SYCP2L: variants seen among roughly 807,000 people sequenced by gnomAD.
SYCP2L encodes the protein synaptonemal complex protein 2 like.
Under a neutral mutation model 125.8 loss-of-function variants are expected in SYCP2L, and 98 were observed. The ratio of observed to expected loss-of-function variants is 0.78; its 90% CI spans 0.66 to 0.92. The LOEUF is 0.92. Among genes scored for constraint, SYCP2L ranks in the 40% least tolerant of loss-of-function variants. The probability of loss-of-function intolerance (pLI) is 0.00; values close to 1 mark genes in which losing one functional copy is unlikely to be tolerated. For missense variants in SYCP2L, 842 were observed against 936.4 expected, an observed-to-expected ratio of 0.90 and a Z score of 1.32; for synonymous variants, 317 against 325.4, an observed-to-expected ratio of 0.97 and a Z score of 0.28.
chr6:10,958,187 A>T (rs2113409962), intron 25 of SYCP2L, among the ~76,000 whole-genome samples: 1 of 151,730 alleles, frequency 6.6e-6, no homozygotes, highest in East Asian at 1.9e-4. Context: ...TGCTATAAAT[A>T]AATACCCGAG....
intron 1 of SYCP2L, among the ~76,000 whole-genome samples, chr6:10,890,820 G>C (rs1288507286): frequency 6.6e-6 from 1 of 152,144 alleles, no homozygotes; most frequent in African/African-American, 2.4e-5. Context: ...GGGATCTTAA[G>C]TGTAAGCTTT....
rs182365804 is a variant in SYCP2L at position 10,953,283 on chromosome 6, T to G, written c.1955-1833T>G. ...AAGGTAGTTTTATCAGATCTTAAAGTGCTAAATATATTAACTGCTATTTGT... is the reference window on the plus strand; with the variant it reads ...AAGGTAGTTTTATCAGATCTTAAAGGGCTAAATATATTAACTGCTATTTGT... On this transcript the variant is annotated intron_variant, in intron 23 of 29. Transcript: ENST00000283141. Among the ~76,000 whole-genome samples, 467 of 152,322 alleles carry G rather than the reference T, an allele frequency of 3.1e-3. 1 individual carries two copies. The highest frequency in any genetic ancestry group is 5.0e-3 in the Non-Finnish European group (338 of 68,034).
intron 21 of SYCP2L, among the ~76,000 whole-genome samples, chr6:10,936,502 G>C (rs1781097789): frequency 6.6e-6 from 1 of 151,746 alleles, no homozygotes; most frequent in Non-Finnish European, 1.5e-5. Flanking sequence ...AAAAAAAATA[G>C]ATTAAAAGGA....
At chr6:10,910,033 A>G in intron 10 of SYCP2L, 115 bp from the exon 11 acceptor site, 2 of 735,196 alleles carry the variant, frequency 2.7e-6, no homozygotes, top group Admixed American at 2.5e-5. Context: ...AGCCTCATTG[A>G]TGTTACTGCC....
intron 12 of SYCP2L, among the ~76,000 whole-genome samples, chr6:10,911,894 CTTTTTTTTTTTTT>C (rs58800098): frequency 6.0e-5 from 3 of 50,020 alleles, no homozygotes; most frequent in Admixed American, 3.8e-4. Context: ...GGAATAAAAG[CTTTTTTTTTTTTT>C]TTTTTTTTTT....
rs1481829390 is a variant in SYCP2L at position 10,974,061 on chromosome 6, TC to T, written c.*150del. 4.6e-5 allele frequency: 7 copies of T among 152,212 alleles called. No homozygotes were observed. The allele number at this position is 152,212 out of a possible 1,614,324, so 9.4% of individuals were successfully genotyped here. A position where few individuals can be genotyped will look rare whatever the true frequency, so the allele number is the denominator to read the frequency against. On this transcript the variant is annotated 3_prime_UTR_variant, in exon 30 of 30. Coordinates refer to ENST00000283141, the MANE Select transcript of SYCP2L (RefSeq NM_001040274.3). ...TCAATTTCCTCCCCTCCAAACATCATCCCTGGGAACTGCTGAGTTCAGATAG... is the reference window on the plus strand; with the variant it reads ...TCAATTTCCTCCCCTCCAAACATCATCCTGGGAACTGCTGAGTTCAGATAG...
chr6:10,921,106 C>T (rs1310264535), intron 14 of SYCP2L, among the ~76,000 whole-genome samples: 1 of 152,190 alleles, frequency 6.6e-6, no homozygotes, highest in African/African-American at 2.4e-5. Context: ...CATTCAGCTC[C>T]CACTTATAAG....
intron 14 of SYCP2L, among the ~76,000 whole-genome samples, chr6:10,917,379 C>A (rs575092453): frequency 1.3e-5 from 2 of 152,142 alleles, no homozygotes; most frequent in African/African-American, 2.4e-5. Context: ...TTGGACAAGG[C>A]CTTTTATCAT....
At chr6:10,955,547 G>A (rs973336576) in intron 24 of SYCP2L, among the ~76,000 whole-genome samples, 3 of 152,142 alleles carry the variant, frequency 2.0e-5, no homozygotes, top group East Asian at 1.9e-4. Context: ...TATCTATACC[G>A]ATTAAGAAGA....
chr6:10,934,933 T>G (rs1394734442), intron 20 of SYCP2L, 125 bp from the exon 21 acceptor site: 1 of 910,212 alleles, frequency 1.1e-6, no homozygotes, highest in Non-Finnish European at 1.6e-6. Flanking sequence ...AATTAGCATT[T>G]ATTTTCAAAT....
intron 21 of SYCP2L, among the ~76,000 whole-genome samples, chr6:10,938,469 T>C (rs1366655686): frequency 1.3e-5 from 2 of 152,194 alleles, no homozygotes; most frequent in Non-Finnish European, 2.9e-5. Flanking sequence ...GGTGAAAAGC[T>C]GAAAGCTTTT....
chr6:10,945,718 C>G (rs944443690), intron 23 of SYCP2L, among the ~76,000 whole-genome samples: 1 of 139,210 alleles, frequency 7.2e-6, no homozygotes, highest in Admixed American at 7.9e-5. Context: ...TGCGGTGAGC[C>G]AAGATCGTGC....
At chr6:10,959,541 G>A (rs1025068411) in intron 26 of SYCP2L, among the ~76,000 whole-genome samples, 1 of 152,104 alleles carries the variant, frequency 6.6e-6, no homozygotes, top group African/African-American at 2.4e-5. Flanking sequence ...TGGTTAAAAG[G>A]GTATAAATAT....
chr6:10,910,699 C>A, intron 11 of SYCP2L, 125 bp from the exon 12 acceptor site: 1 of 1,005,440 alleles, frequency 9.9e-7, no homozygotes, highest in South Asian at 1.3e-5. Context: ...TTGAAACCCC[C>A]TATTGTACTC....
chr6:10,963,512 A>G lies in SYCP2L; in HGVS notation c.2415-270A>G, dbSNP rs1024590460. 6 of 407,270 alleles carry G rather than the reference A, an allele frequency of 1.5e-5. No homozygotes were observed. The Admixed American group carries it at 2.5e-4, about 17-fold the overall frequency. The allele number at this position is 407,270 out of a possible 1,614,324, so 25.2% of individuals were successfully genotyped here. On this transcript the variant is annotated intron_variant, in intron 28 of 29. Coordinates refer to ENST00000283141, the MANE Select transcript of SYCP2L (RefSeq NM_001040274.3). ...TTATTTCAGCCCCTAGCTTAGAACT[A>G]CAAGGTGCTAGGGATTCAGTGCTTT...
In SYCP2L at chr6:10,961,402, CTGGTAAGTTCTTTT is replaced by C. The variant is rs1390078475; in HGVS notation, c.2355+1_2355+14del. 1 of 1,614,036 alleles carries C rather than the reference CTGGTAAGTTCTTTT, an allele frequency of 6.2e-7. No homozygotes were observed. The highest frequency in any genetic ancestry group is 8.5e-7 in the Non-Finnish European group (1 of 1,179,938). On this transcript the variant is annotated splice_donor_variant and splice_donor_5th_base_variant and coding_sequence_variant and intron_variant, in exon 27 of 30. Coordinates refer to ENST00000283141, the MANE Select transcript of SYCP2L (RefSeq NM_001040274.3). LOFTEE classifies it high-confidence loss of function. ...CCTGGAACACCTTGAGAAGGAGGTT[CTGGTAAGTTCTTTT>C]TGTGTGGAACATTTTCTGACTTCGG...
At chr6:10,929,186 T>G (rs1780948104) in intron 18 of SYCP2L, among the ~76,000 whole-genome samples, 1 of 152,184 alleles carries the variant, frequency 6.6e-6, no homozygotes, top group Admixed American at 6.5e-5. Context: ...CAACCACACC[T>G]GGCCGCACCC....
intron 23 of SYCP2L, among the ~76,000 whole-genome samples, chr6:10,951,605 A>G (rs1178782076): frequency 6.6e-6 from 1 of 152,232 alleles, no homozygotes; most frequent in African/African-American, 2.4e-5. Context: ...ATTCAACAGT[A>G]AAGATAGTCT....
Position 10,965,397 on chromosome 6 carries a change from G to A in SYCP2L, c.*37+1554G>A, listed in dbSNP as rs1026376728. Among the ~76,000 whole-genome samples, 9 of 152,180 alleles carry A rather than the reference G, an allele frequency of 5.9e-5. No homozygotes were observed. The East Asian group carries it at 1.5e-3, about 26-fold the overall frequency. The stretch of plus-strand genomic sequence containing the variant: ...TGGATGGTGTTGCCAGTTAGATAAG[G>A]AAGACTCAGGGTGGGAAGAATATGT... On this transcript the variant is annotated intron_variant, in intron 29 of 29. Coordinates refer to ENST00000283141, the MANE Select transcript of SYCP2L (RefSeq NM_001040274.3).
Sources: gnomAD v4.1 joint callset for allele counts (sites outside exome capture counted in the v4.1 genomes callset) on GRCh38, gnomAD v4.1.1 for gene constraint, MANE v1.5 for transcripts, NCBI Gene and HGNC (gene_info 2026-07-23, HGNC 2026-07-21) for gene names.